CHL1: variants seen among roughly 807,000 people sequenced by gnomAD.
The protein encoded by CHL1 is neural cell adhesion molecule L1-like protein.
Under a neutral mutation model 141.9 loss-of-function variants are expected in CHL1, and 96 were observed. The ratio of observed to expected loss-of-function variants is 0.68; its 90% CI spans 0.57 to 0.80. The LOEUF (loss-of-function observed/expected upper bound fraction) is 0.80. Ranked by LOEUF, CHL1 falls within the 30% of genes least tolerant of loss-of-function variation. The probability of loss-of-function intolerance (pLI) is 0.00; values close to 1 mark genes in which losing one functional copy is unlikely to be tolerated. For missense variants in CHL1, 1,820 were observed against 1,457.2 expected (o/e 1.25, Z -4.05); for synonymous variants, 613 against 502.2 (o/e 1.22, Z -2.95).
At chr3:382,078 G>A (rs1388024003) in intron 16 of CHL1, 101 bp from the exon 17 acceptor site, 5 of 927,880 alleles carry the variant, frequency 5.4e-6, no homozygotes, top group African/African-American at 3.3e-5. Context: ...CCCTAAGAGG[G>A]TGGTACCTCC....
intron 1 of CHL1, among the ~76,000 whole-genome samples, chr3:229,020 G>T (rs1356599294): frequency 6.6e-6 from 1 of 152,144 alleles, no homozygotes; most frequent in Non-Finnish European, 1.5e-5. Context: ...GTTATCAGCA[G>T]CCCTGCGGTG....
intron 2 of CHL1, among the ~76,000 whole-genome samples, chr3:249,607 G>A (rs1693493714): frequency 6.6e-6 from 1 of 152,152 alleles, no homozygotes; most frequent in Non-Finnish European, 1.5e-5. Flanking sequence ...ATTAGGCAGT[G>A]CCTTTTGCTG....
At chr3:322,645 A>AATATATATATATATATATATAAAAT (rs1700667602) in intron 3 of CHL1, among the ~76,000 whole-genome samples, 2 of 130,226 alleles carry the variant, frequency 1.5e-5, no homozygotes, top group African/African-American at 3.0e-5. Context: ...ATATATATAA[A>AATATATATATATATATATATAAAAT]ATATATATAT....
At chr3:304,006 T>C (rs568704966) in intron 2 of CHL1, among the ~76,000 whole-genome samples, 60 of 152,330 alleles carry the variant, frequency 3.9e-4, no homozygotes, top group African/African-American at 1.4e-3. Context: ...TCATTGGTTC[T>C]GTTTGTGTGA....
chr3:236,026 A>G (rs1273459123), intron 1 of CHL1, among the ~76,000 whole-genome samples: 1 of 152,192 alleles, frequency 6.6e-6, no homozygotes, highest in Non-Finnish European at 1.5e-5. Context: ...TGCTTGAAAC[A>G]TGGCCTCAAG....
At chr3:330,780 A>C (rs1701376460) in intron 5 of CHL1, among the ~76,000 whole-genome samples, 1 of 152,186 alleles carries the variant, frequency 6.6e-6, no homozygotes, top group African/African-American at 2.4e-5. Context: ...AAATTATTAA[A>C]GAATAACAAG....
At chr3:349,154 C>G (rs1348752422) in intron 9 of CHL1, among the ~76,000 whole-genome samples, 2 of 152,310 alleles carry the variant, frequency 1.3e-5, no homozygotes, top group South Asian at 4.1e-4. Flanking sequence ...ACTGGAGGAA[C>G]TTTCAGTGAA....
rs190172691 is a variant in CHL1 at position 406,463 on chromosome 3, A to G, written c.*752A>G. On this transcript the variant is annotated 3_prime_UTR_variant, in exon 28 of 28. Transcript: ENST00000256509. ...GAAGCGGTGGTCAGAAGGTTGTTTTATACGAGAACAGGCAGAAAGTGCCCA... is the reference window on the plus strand; with the variant it reads ...GAAGCGGTGGTCAGAAGGTTGTTTTGTACGAGAACAGGCAGAAAGTGCCCA... 2 of 150,412 alleles carry G rather than the reference A, an allele frequency of 1.3e-5. No homozygotes were observed. Among genetic ancestry groups the G allele is most frequent in the South Asian group, 2.1e-4 (1 of 4,796 alleles). 9.3% of individuals were successfully genotyped at this position (150,412 alleles called of 1,614,324 possible). A position where few individuals can be genotyped will look rare whatever the true frequency, so the allele number is the denominator to read the frequency against.
At chr3:361,408 G>A (rs13075681) in intron 12 of CHL1, among the ~76,000 whole-genome samples, 51,757 of 108,306 alleles carry the variant, frequency 0.48, 13,625 homozygotes, top group Middle Eastern at 0.65. Context: ...GCACAGCAAA[G>A]GAAACTACCA....
chr3:242,354 T>A (rs1377948622), intron 1 of CHL1, among the ~76,000 whole-genome samples: 5 of 148,382 alleles, frequency 3.4e-5, no homozygotes, highest in Admixed American at 2.7e-4. Flanking sequence ...CCCAGCACTT[T>A]GGGAGGCTGA....
chr3:213,782 G>A (rs1318878994), intron 1 of CHL1: 1 of 152,146 alleles, frequency 6.6e-6, no homozygotes. Context: ...CAATTGCAAT[G>A]ATTATTTCTC....
At chr3:228,976 G>A (rs900373818) in intron 1 of CHL1, among the ~76,000 whole-genome samples, 1 of 152,112 alleles carries the variant, frequency 6.6e-6, no homozygotes, top group Non-Finnish European at 1.5e-5. Context: ...TCTCATTAAG[G>A]TTCTCTTTCT....
chr3:199,312 G>T (rs1300533828), intron 1 of CHL1, among the ~76,000 whole-genome samples: 1 of 152,170 alleles, frequency 6.6e-6, no homozygotes. Context: ...ATCTCTTTCA[G>T]GGTATGTTTG....
At chr3:236,600 G>T (rs1692006742) in intron 1 of CHL1, among the ~76,000 whole-genome samples, 1 of 152,090 alleles carries the variant, frequency 6.6e-6, no homozygotes, top group Non-Finnish European at 1.5e-5. Context: ...ATTCTATTGT[G>T]TACGATTTGC....
intron 2 of CHL1, among the ~76,000 whole-genome samples, chr3:280,931 A>T (rs746417338): frequency 1.3e-5 from 2 of 151,470 alleles, no homozygotes; most frequent in Non-Finnish European, 3.0e-5. Context: ...ACACACACAC[A>T]CACGCACACA....
chr3:255,359 T>C (rs1239418080), intron 2 of CHL1, among the ~76,000 whole-genome samples: 7 of 152,202 alleles, frequency 4.6e-5, no homozygotes, highest in Admixed American at 2.6e-4. Flanking sequence ...TAAAAACCTT[T>C]CCAGACGTTT....
chr3:370,921 G>A (rs1006310709), intron 15 of CHL1, among the ~76,000 whole-genome samples: 8 of 152,282 alleles, frequency 5.3e-5, no homozygotes, highest in Admixed American at 1.3e-4. Flanking sequence ...TTTTGCGTGA[G>A]TTTCTTAATC....
intron 10 of CHL1, among the ~76,000 whole-genome samples, chr3:351,749 T>C (rs116609224): frequency 1.3e-4 from 20 of 152,220 alleles, no homozygotes; most frequent in African/African-American, 4.8e-4. Flanking sequence ...CATAATATAA[T>C]CAAATACTAT....
At chr3:285,632 C>T (rs1455400988) in intron 2 of CHL1, among the ~76,000 whole-genome samples, 5 of 152,304 alleles carry the variant, frequency 3.3e-5, no homozygotes, top group African/African-American at 9.6e-5. Context: ...CCTCAGTTTA[C>T]TCAATTTTAA....
Sources: gnomAD v4.1 joint callset for allele counts (sites outside exome capture counted in the v4.1 genomes callset) on GRCh38, gnomAD v4.1.1 for gene constraint, MANE v1.5 for transcripts, NCBI Gene and HGNC (gene_info 2026-07-23, HGNC 2026-07-21) for gene names.